ZNF831: variants seen among roughly 807,000 people sequenced by gnomAD.
ZNF831 encodes the protein zinc finger protein 831.
Under a neutral mutation model 95.8 loss-of-function variants are expected in ZNF831, and 59 were observed. The observed-to-expected ratio is 0.62, with a 90% CI of 0.50 to 0.77. ZNF831 has a LOEUF of 0.77. Ranked by LOEUF, ZNF831 falls within the 30% of genes least tolerant of loss-of-function variation. The probability of loss-of-function intolerance (pLI) is 0.00; values close to 1 mark genes in which losing one functional copy is unlikely to be tolerated. For synonymous variants in ZNF831, 961 were observed against 925.5 expected, an observed-to-expected ratio of 1.04 and a Z score of -0.70; for missense variants, 2,205 against 2,164.0, an observed-to-expected ratio of 1.02 and a Z score of -0.38.
chr20:59,155,196 T>C lies in ZNF831; in HGVS notation c.-1280-4456T>C, dbSNP rs188566531. Among the ~76,000 whole-genome samples the C allele has an allele frequency of 5.3e-5, 8 of 152,354 alleles. No individual in the cohort carries two copies. In the East Asian group the frequency reaches 1.5e-3, roughly 29 times the overall value. ...TTGGCTTTTGTCATTGTTTCCCAGT[T>C]ATCTTGATTATACATCATACAAAAG... On this transcript the variant is annotated intron_variant, in intron 2 of 7. Coordinates refer to the ZNF831 transcript ENST00000637017.
rs1983533380 is a variant in ZNF831 at position 59,191,588 on chromosome 20, A to G, written c.569A>G (p.His190Arg). Residue 190 changes from histidine to arginine, a missense_variant, in exon 2 of 6, where the codon CAC becomes CGC. Transcript: ENST00000371030. ...AFKTQSNLYK[H>R]RRTQTHLNNS... Reference sequence around the variant, plus strand: ...AAGACCCAGAGCAATCTCTACAAGCACAGGCGGACGCAGACGCACCTCAAC... The same window carrying G: ...AAGACCCAGAGCAATCTCTACAAGCGCAGGCGGACGCAGACGCACCTCAAC... 1 of 1,608,172 alleles carries G rather than the reference A, an allele frequency of 6.2e-7. No individual in the cohort carries two copies. The highest frequency in any genetic ancestry group is 1.1e-5 in the South Asian group (1 of 90,494).
chr20:59,188,195 C>A (rs1983215106), intron 1 of ZNF831, among the ~76,000 whole-genome samples: 1 of 152,188 alleles, frequency 6.6e-6, no homozygotes, highest in Non-Finnish European at 1.5e-5. Flanking sequence ...TATGGTAATA[C>A]ATGTTTAACT....
At chr20:59,189,804 T>G (rs770363542) in intron 1 of ZNF831, among the ~76,000 whole-genome samples, 1 of 152,124 alleles carries the variant, frequency 6.6e-6, no homozygotes, top group African/African-American at 2.4e-5. Flanking sequence ...AGCCACCATG[T>G]CCAGCTGTGC....
rs1174650295 is a variant in ZNF831 at position 59,193,804 on chromosome 20, C to T, written c.2785C>T (p.Leu929Phe). Residue 929 changes from leucine to phenylalanine, a missense_variant, in exon 2 of 6, where the codon CTC (leucine) becomes TTC (phenylalanine). Leu to Phe is a conservative substitution (Grantham distance 22). Transcript: ENST00000371030. ...CACCCCACCTCAGGCTCCTAGAGTG[C>T]TCTCTGCCCTGGCAGATAATGCCTT... is the stretch of plus-strand genomic sequence containing the variant. ...LATPPQAPRVLSALADNAFSP... is the reference protein window; with the variant it reads ...LATPPQAPRVFSALADNAFSP... The T allele has an allele frequency of 2.5e-6, 4 of 1,611,626 alleles. No homozygotes were observed. The highest frequency in any genetic ancestry group is 2.2e-5 in the East Asian group (1 of 44,876).
chr20:59,200,015 T>C (rs1601387977), intron 3 of ZNF831, among the ~76,000 whole-genome samples: 1 of 152,216 alleles, frequency 6.6e-6, no homozygotes, highest in African/African-American at 2.4e-5. Flanking sequence ...TCTCAGCACA[T>C]CAAAGCTACC....
At chr20:59,133,511 AC>A (rs1272007296) in intron 1 of ZNF831, among the ~76,000 whole-genome samples, 1 of 152,236 alleles carries the variant, frequency 6.6e-6, no homozygotes, top group Non-Finnish European at 1.5e-5. Flanking sequence ...TCCATGCAGA[AC>A]CAGATGGCCC....
rs897686100 is a variant in ZNF831 at position 59,240,546 on chromosome 20, A to C, written c.4028-12432A>C. ...GCCGGGCGCGGTGGCTCACTCCTGT[A>C]ATCCCAGCACTTTGGGAGGCTGAGG... On this transcript the variant is annotated intron_variant, in intron 4 of 5. Transcript: ENST00000371030. Among the ~76,000 whole-genome samples the C allele has an allele frequency of 3.9e-5, 6 of 152,278 alleles. 1 individual carries two copies. The South Asian group carries it at 1.0e-3, about 26-fold the overall frequency.
intron 1 of ZNF831, among the ~76,000 whole-genome samples, chr20:59,184,172 A>G (rs1982833403): frequency 6.6e-6 from 1 of 152,182 alleles, no homozygotes; most frequent in East Asian, 1.9e-4. Context: ...CATGCATTTA[A>G]GTTTCCTCTC....
At chr20:59,196,053 A>G (rs1421581763) in intron 3 of ZNF831, 48 bp downstream of exon 3, 2 of 1,600,218 alleles carry the variant, frequency 1.2e-6, no homozygotes, top group East Asian at 4.5e-5. Flanking sequence ...CCCAAGAAGA[A>G]TTTACTATGG....
At position 59,191,477 on chromosome 20, in the gene ZNF831, G is replaced by T. The variant is rs758842616; in HGVS notation, c.458G>T (p.Cys153Phe). The T allele has an allele frequency of 5.0e-6, 8 of 1,613,100 alleles. No individual in the cohort carries two copies. The highest frequency in any genetic ancestry group is 1.7e-6 in the Non-Finnish European group (2 of 1,180,008). ...CTGTGTCCGCACTGTGGTCGCGACT[G>T]CCTGAAGCCCAGTGTTCTAGAGAAG... ...KYLCPHCGRDCLKPSVLEKHI... is the reference protein window; with the variant it reads ...KYLCPHCGRDFLKPSVLEKHI... Residue 153 changes from cysteine to phenylalanine, a missense_variant, in exon 2 of 6, where the codon TGC (cysteine) becomes TTC (phenylalanine). Cys to Phe is a radical substitution (Grantham distance 205). Transcript: ENST00000371030.
intron 4 of ZNF831, among the ~76,000 whole-genome samples, chr20:59,221,674 T>C (rs1395345178): frequency 6.6e-6 from 1 of 152,234 alleles, no homozygotes; most frequent in African/African-American, 2.4e-5. Context: ...GGAAAAGAAA[T>C]GCAAGCTCAG....
rs1985746449 is a variant in ZNF831 at position 59,217,163 on chromosome 20, T to TGTGTGC, written c.4027+10112_4027+10113insCGTGTG. On this transcript the variant is annotated intron_variant, in intron 4 of 5. Transcript: ENST00000371030. The surrounding 1 kb of genome is among the most constrained non-coding windows in gnomAD (Gnocchi z 4.4). The stretch of plus-strand genomic sequence containing the variant: ...AGTACATCTGACAGATCTTCATCTC[T>TGTGTGC]GTGTGTGTGTGTGTGTGTGTGTGTG... 2.1e-5 allele frequency among the ~76,000 whole-genome samples: 1 copy of TGTGTGC among 47,474 alleles called. No individual in the cohort carries two copies. Among genetic ancestry groups the TGTGTGC allele is most frequent in the African/African-American group, 2.3e-4 (1 of 4,378 alleles). The allele number at this position is 47,474 out of a possible 152,430, so 31.1% of individuals were successfully genotyped here. A position where few individuals can be genotyped will look rare whatever the true frequency, so the allele number is the denominator to read the frequency against.
chr20:59,215,986 C>T (rs1467759620), intron 4 of ZNF831, among the ~76,000 whole-genome samples: 1 of 152,216 alleles, frequency 6.6e-6, no homozygotes, highest in African/African-American at 2.4e-5. Flanking sequence ...GGGAAGCATT[C>T]AAGATGCATT....
chr20:59,236,120 C>T (rs149507898), intron 4 of ZNF831, among the ~76,000 whole-genome samples: 13 of 152,258 alleles, frequency 8.5e-5, no homozygotes, highest in African/African-American at 2.4e-4. Flanking sequence ...CTGACATCCT[C>T]GTAAATTCAT....
At chr20:59,243,368 A>G (rs535293690) in intron 4 of ZNF831, among the ~76,000 whole-genome samples, 1 of 152,364 alleles carries the variant, frequency 6.6e-6, no homozygotes, top group East Asian at 1.9e-4. Context: ...CACGTTGAAG[A>G]GGTCGAATAG....
At position 59,131,610 on chromosome 20, in the gene ZNF831, G is replaced by A. The variant is rs141759448; in HGVS notation, c.-1425+8105G>A. On this transcript the variant is annotated intron_variant, in intron 1 of 7. Coordinates refer to the ZNF831 transcript ENST00000637017. Reference sequence around the variant, plus strand: ...CTTCCACTCTACAGACCCCAGCCCCGTGCAGGTGTCCCTCTGAGCACCGGG... The same window carrying A: ...CTTCCACTCTACAGACCCCAGCCCCATGCAGGTGTCCCTCTGAGCACCGGG... Among the ~76,000 whole-genome samples the A allele has an allele frequency of 2.2e-4, 34 of 152,288 alleles. No homozygotes were observed. The East Asian group carries it at 3.7e-3, about 16-fold the overall frequency.
intron 1 of ZNF831, among the ~76,000 whole-genome samples, chr20:59,175,378 C>T (rs192051948): frequency 2.0e-5 from 3 of 152,088 alleles, no homozygotes; most frequent in Admixed American, 1.3e-4. Flanking sequence ...GAATATTAGA[C>T]CTTTTGTTAG....
chr20:59,133,990 C>T (rs1323333698), intron 1 of ZNF831, among the ~76,000 whole-genome samples: 2 of 152,196 alleles, frequency 1.3e-5, no homozygotes, highest in East Asian at 1.9e-4. Flanking sequence ...GGCTGCTGCT[C>T]TTTGGGGCCC....
Position 59,130,984 on chromosome 20 carries a change from C to T in ZNF831, c.-1425+7479C>T, listed in dbSNP as rs141524732. On this transcript the variant is annotated intron_variant, in intron 1 of 7. Transcript: ENST00000637017. ...TGGTTGTGAGGCCTGAGTAAATGGG[C>T]GTGGAAGCATGTGGTGCATGGTAGG... 1.7e-3 allele frequency among the ~76,000 whole-genome samples: 255 copies of T among 152,052 alleles called. 3 individuals are homozygous for T. The Middle Eastern group carries it at 0.031, about 18-fold the overall frequency.
Sources: allele counts gnomAD v4.1 joint callset (sites outside exome capture counted in the v4.1 genomes callset), GRCh38; gene constraint gnomAD v4.1.1; non-coding constraint Gnocchi (gnomAD v3.1); transcripts MANE v1.5; gene names NCBI Gene and HGNC (gene_info 2026-07-23, HGNC 2026-07-21).